TMEM126B: variants seen among roughly 807,000 people sequenced by gnomAD.
TMEM126B encodes the protein complex I assembly factor TMEM126B, mitochondrial.
In TMEM126B, 19 loss-of-function variants were observed where a neutral mutation model predicts 16.5. That is an observed-to-expected ratio of 1.15 (90% CI 0.80 to 1.69). The LOEUF (loss-of-function observed/expected upper bound fraction) is 1.69. Ranked by LOEUF, TMEM126B falls within the 40% of genes most tolerant of loss-of-function variation. The pLI, the probability that TMEM126B is intolerant of heterozygous loss-of-function variation, is 0.00. For synonymous variants in TMEM126B, 104 were observed against 93.2 expected, an observed-to-expected ratio of 1.12 and a Z score of -0.67; for missense variants, 293 against 278.7, an observed-to-expected ratio of 1.05 and a Z score of -0.37.
intron 2 of TMEM126B, among the ~76,000 whole-genome samples, 188 bp downstream of exon 2, chr11:85,631,996 T>G (rs1447286434): frequency 6.6e-6 from 1 of 152,216 alleles, no homozygotes; most frequent in Non-Finnish European, 1.5e-5. Context: ...AATGGTGGTT[T>G]GTTGGAATAT....
intron 2 of TMEM126B, among the ~76,000 whole-genome samples, chr11:85,632,950 C>T (rs1591452642): frequency 1.3e-5 from 2 of 152,212 alleles, no homozygotes; most frequent in East Asian, 1.9e-4. Context: ...TATCCCTCCC[C>T]TCTCCTCCCA....
rs1207134965 is a variant in TMEM126B at position 85,628,820 on chromosome 11, T to C, written c.81+132T>C. On this transcript the variant is annotated intron_variant, in intron 1 of 4. Coordinates refer to ENST00000358867, the MANE Select transcript of TMEM126B (RefSeq NM_018480.7). Reference sequence around the variant, plus strand: ...GCTCCCAAGTCCATGCAAGGAGCAGTCGATTAAGTCTCCAGTTGCTGTGGA... The same window carrying C: ...GCTCCCAAGTCCATGCAAGGAGCAGCCGATTAAGTCTCCAGTTGCTGTGGA... The C allele has an allele frequency of 5.7e-6, 5 of 871,288 alleles. No individual in the cohort carries two copies. The Admixed American group carries it at 1.1e-4, about 20-fold the overall frequency. The allele number at this position is 871,288 out of a possible 1,614,324, so 54.0% of individuals were successfully genotyped here. A position where few individuals can be genotyped will look rare whatever the true frequency, so the allele number is the denominator to read the frequency against.
At position 85,636,206 on chromosome 11, in the gene TMEM126B, G is replaced by T; in HGVS notation, c.670G>T (p.Glu224Ter). The T allele has an allele frequency of 6.5e-7, 1 of 1,543,486 alleles. No homozygotes were observed. The highest frequency in any genetic ancestry group is 1.3e-5 in the South Asian group (1 of 79,884). ...TTATGCAGTATTTGAAGAGACACTTGAGAAAACTATACATGAAGAGTAACC... is the reference window on the plus strand; with the variant it reads ...TTATGCAGTATTTGAAGAGACACTTTAGAAAACTATACATGAAGAGTAACC... ...YHYAVFEETLEKTIHEE is the reference protein window; with the variant it reads ...YHYAVFEETL Residue 224 changes from glutamate (E) to a stop codon, truncating the protein, a stop_gained, in exon 5 of 5, where the codon GAG becomes TAG. Coordinates refer to ENST00000358867, the MANE Select transcript of TMEM126B (RefSeq NM_018480.7). LOFTEE classifies it high-confidence loss of function.
intron 1 of TMEM126B, chr11:85,629,102 C>T: frequency 1.5e-6 from 1 of 676,668 alleles, no homozygotes; most frequent in Non-Finnish European, 2.3e-6. Flanking sequence ...TCGTTTATGT[C>T]ACTCTCTCAT....
In TMEM126B at chr11:85,628,705, A is replaced by G. The variant is rs963136868; in HGVS notation, c.81+17A>G. On this transcript the variant is annotated intron_variant, in intron 1 of 4. Transcript: ENST00000358867. ...GCGCCCAAGGTAGGCGGAAATCCGAAGTGGTATGGGGGGTGATTTCTGCAC... is the reference window on the plus strand; with the variant it reads ...GCGCCCAAGGTAGGCGGAAATCCGAGGTGGTATGGGGGGTGATTTCTGCAC... 4 of 1,526,774 alleles carry G rather than the reference A, an allele frequency of 2.6e-6. No individual in the cohort carries two copies. In the East Asian group the frequency reaches 9.8e-5, roughly 37 times the overall value. The allele number at this position is 1,526,774 out of a possible 1,614,324, so 94.6% of individuals were successfully genotyped here.
intron 1 of TMEM126B, 85 bp downstream of exon 1, chr11:85,628,773 G>A (rs946268481): frequency 2.0e-5 from 28 of 1,369,506 alleles, no homozygotes; most frequent in Non-Finnish European, 2.6e-5. Context: ...TACCTTTAAA[G>A]GAGATTTGAA....
rs2082301519 is a variant in TMEM126B, at chr11:85,631,751, GA to G, written c.148del (p.Arg50AspfsTer5). ...PSPSLEDAKL[R>X]RPMVIEIIEK... is the part of the protein sequence containing the mutation. ...CCTTCTCTAGAAGATGCAAAACTCA[GA>G]AGACCAATGGTCATAGAAATCATAG... On this transcript the variant is annotated frameshift_variant, in exon 2 of 5. Coordinates refer to ENST00000358867, the MANE Select transcript of TMEM126B (RefSeq NM_018480.7). LOFTEE classifies it high-confidence loss of function. 7.4e-6 allele frequency: 12 copies of G among 1,613,460 alleles called. No individual in the cohort carries two copies. The highest frequency in any genetic ancestry group is 9.3e-6 in the Non-Finnish European group (11 of 1,179,754).
At chr11:85,631,095 T>C (rs1232612674) in intron 1 of TMEM126B, 3 of 1,261,790 alleles carry the variant, frequency 2.4e-6, no homozygotes, top group Non-Finnish European at 3.1e-6. Flanking sequence ...TTCTGATTTT[T>C]CTCTCTCACT....
At chr11:85,631,408 A>G in intron 1 of TMEM126B, 2 of 997,818 alleles carry the variant, frequency 2.0e-6, no homozygotes, top group South Asian at 1.9e-5. Context: ...TATACTACCA[A>G]TTTCTCAAGT....
chr11:85,635,387 G>A (rs2082378558), intron 3 of TMEM126B, among the ~76,000 whole-genome samples: 1 of 152,152 alleles, frequency 6.6e-6, no homozygotes, highest in African/African-American at 2.4e-5. Context: ...ACTCTAGCCT[G>A]GGCAACAGAG....
In TMEM126B at chr11:85,635,766, G is replaced by T. The variant is rs112358510; in HGVS notation, c.497G>T (p.Arg166Leu). The T allele has an allele frequency of 5.1e-6, 8 of 1,577,930 alleles. No individual in the cohort carries two copies. The Admixed American group carries it at 1.1e-4, about 23-fold the overall frequency. Residue 166 changes from arginine (R) to leucine (L), a missense_variant, in exon 4 of 5, where the codon CGC (arginine) becomes CTC (leucine). By Grantham distance (102) the Arg-to-Leu change is moderately radical. Transcript: ENST00000358867. ...TCTTTGGCTTTTACTAAAAATGGAC[G>T]CCTGGCAACCAAGTAAGTTCTTCCT... ...PSSLAFTKNG[R>L]LATKYHTVPL...
At chr11:85,630,473 C>T (rs899553014) in intron 1 of TMEM126B, among the ~76,000 whole-genome samples, 16 of 152,122 alleles carry the variant, frequency 1.1e-4, no homozygotes, top group African/African-American at 3.9e-4. Flanking sequence ...AGCAATAGAC[C>T]TTCCACTTGG....
At position 85,631,764 on chromosome 11, in the gene TMEM126B, C is replaced by A; in HGVS notation, c.159C>A (p.Val53=). ...ATGCAAAACTCAGAAGACCAATGGT[C>A]ATAGAAATCATAGAAAAAAATTTTG... ...LEDAKLRRPM[V]IEIIEKNFDY... is the part of the protein sequence containing the mutation. The change falls in exon 2 of 5, where the codon GTC becomes GTA. Residue 53 remains valine, a synonymous_variant. Coordinates refer to ENST00000358867, the MANE Select transcript of TMEM126B (RefSeq NM_018480.7). 2 of 1,612,032 alleles carry A rather than the reference C, an allele frequency of 1.2e-6. No homozygotes were observed. Among genetic ancestry groups the A allele is most frequent in the South Asian group, 2.2e-5 (2 of 90,712 alleles).
At position 85,635,672 on chromosome 11, in the gene TMEM126B, A is replaced by T; in HGVS notation, c.403A>T (p.Ile135Leu). ...AATTTACTTTTGTTTTCCAGATAAT[A>T]TAAGCAAGGAAAACTGTGTTTTCAG... Reference protein sequence around the residue: ...FVIDALYSDNISKENCVFRSS... With the variant: ...FVIDALYSDNLSKENCVFRSS... Residue 135 changes from isoleucine (I) to leucine (L), a missense_variant, in exon 4 of 5, where the codon ATA becomes TTA. By Grantham distance (5) the Ile-to-Leu change is conservative. Transcript: ENST00000358867. 6.2e-7 allele frequency: 1 copy of T among 1,604,344 alleles called. No homozygotes were observed. The highest frequency in any genetic ancestry group is 8.5e-7 in the Non-Finnish European group (1 of 1,177,278).
In TMEM126B at chr11:85,636,372, T is replaced by TATTCAATA. The variant is rs1297559028; in HGVS notation, c.*151_*158dup. On this transcript the variant is annotated 3_prime_UTR_variant, in exon 5 of 5. Coordinates refer to ENST00000358867, the MANE Select transcript of TMEM126B (RefSeq NM_018480.7). The stretch of plus-strand genomic sequence containing the variant: ...TGGTATATAGCAAATACTCAAAAAG[T>TATTCAATA]ATTCAATAATTCAATCAATAAATAT... The TATTCAATA allele has an allele frequency of 2.1e-6, 1 of 485,902 alleles. No individual in the cohort carries two copies. The highest frequency in any genetic ancestry group is 3.4e-6 in the Non-Finnish European group (1 of 290,928). The allele number at this position is 485,902 out of a possible 1,614,324, so 30.1% of individuals were successfully genotyped here. A position where few individuals can be genotyped will look rare whatever the true frequency, so the allele number is the denominator to read the frequency against.
Position 85,636,091 on chromosome 11 carries a change from T to C in TMEM126B, c.555T>C (p.His185=), listed in dbSNP as rs776565596. The change falls in exon 5 of 5, where the codon CAT becomes CAC. Residue 185 remains histidine (H), a synonymous_variant. Coordinates refer to ENST00000358867, the MANE Select transcript of TMEM126B (RefSeq NM_018480.7). ...CACCAAAAGGAAGGGTTTTAATCCA[T>C]TGGATGACGCTTTGTCAAACACAAA... The part of the protein sequence containing the change: ...PLPPKGRVLI[H]WMTLCQTQMK... The C allele has an allele frequency of 4.4e-6, 7 of 1,608,774 alleles. No homozygotes were observed. Among genetic ancestry groups the C allele is most frequent in the Non-Finnish European group, 5.9e-6 (7 of 1,178,650 alleles).
At chr11:85,633,201 A>G (rs1196719829) in intron 2 of TMEM126B, among the ~76,000 whole-genome samples, 1 of 152,146 alleles carries the variant, frequency 6.6e-6, no homozygotes, top group African/African-American at 2.4e-5. Context: ...CCAGTCTATC[A>G]TTGCTGGACA....
chr11:85,631,324 A>G, intron 1 of TMEM126B: 1 of 1,220,320 alleles, frequency 8.2e-7, no homozygotes, highest in Non-Finnish European at 1.0e-6. Flanking sequence ...TCAGTATGTT[A>G]GCCTTCTACA....
Position 85,634,205 on chromosome 11 carries a change from C to A in TMEM126B, c.323C>A (p.Ala108Glu), listed in dbSNP as rs2082357356. 1 of 1,613,736 alleles carries A rather than the reference C, an allele frequency of 6.2e-7. No homozygotes were observed. Among genetic ancestry groups the A allele is most frequent in the Admixed American group, 1.7e-5 (1 of 60,006 alleles). Residue 108 changes from alanine to glutamate, a missense_variant, in exon 3 of 5, where the codon GCA becomes GAA. Physicochemically the swap from Ala to Glu is moderately radical, Grantham distance 107. Coordinates refer to ENST00000358867, the MANE Select transcript of TMEM126B (RefSeq NM_018480.7). ...KVKHDALKTY[A>E]SLATLPFLST... ...AAACATGATGCTTTGAAGACATATG[C>A]ATCATTGGCTACACTTCCATTTTTG...
Sources: allele counts gnomAD v4.1 joint callset (sites outside exome capture counted in the v4.1 genomes callset), GRCh38; gene constraint gnomAD v4.1.1; transcripts MANE v1.5; gene names NCBI Gene and HGNC (gene_info 2026-07-23, HGNC 2026-07-21).